The following ACSL3 variants were observed in gnomAD, a reference collection of about 807,000 sequenced individuals.
ACSL3 encodes the protein fatty acid CoA ligase Acsl3.
Under a neutral mutation model 84.7 loss-of-function variants are expected in ACSL3, and 34 were observed. That is an observed-to-expected ratio of 0.40 (90% confidence interval 0.31 to 0.53). The LOEUF (loss-of-function observed/expected upper bound fraction) is 0.53. ACSL3 is among the 20% of genes least tolerant of loss of function. The pLI is 0.48. For missense variants in ACSL3, 680 were observed against 873.1 expected, an observed-to-expected ratio of 0.78 and a Z score of 2.79; for synonymous variants, 315 against 299.4, an observed-to-expected ratio of 1.05 and a Z score of -0.54.
At chr2:222,940,926 G>C (rs1165052377) in intron 16 of ACSL3, among the ~76,000 whole-genome samples, 1 of 151,618 alleles carries the variant, frequency 6.6e-6, no homozygotes, top group South Asian at 2.1e-4. Flanking sequence ...AATGAGATGG[G>C]GTTTCGCTCT....
intron 1 of ACSL3, among the ~76,000 whole-genome samples, chr2:222,882,761 GTTT>G (rs71408540): frequency 3.2e-4 from 38 of 119,962 alleles, no homozygotes; most frequent in Admixed American, 5.5e-4. Flanking sequence ...CCAGATCACT[GTTT>G]TTTTTTTTTT....
At chr2:222,865,254 C>T (rs763658580) in intron 1 of ACSL3, among the ~76,000 whole-genome samples, 2 of 152,040 alleles carry the variant, frequency 1.3e-5, no homozygotes, top group African/African-American at 2.4e-5. Flanking sequence ...TGTTTATTTA[C>T]GTATTTTTGA....
chr2:222,883,984 T>C (rs1357681343), intron 1 of ACSL3, among the ~76,000 whole-genome samples: 1 of 152,214 alleles, frequency 6.6e-6, no homozygotes, highest in Admixed American at 6.5e-5. Flanking sequence ...CTTATGCCTT[T>C]GAGAATATTA....
intron 13 of ACSL3, among the ~76,000 whole-genome samples, chr2:222,929,670 C>T (rs1014824987): frequency 6.6e-6 from 1 of 151,736 alleles, no homozygotes; most frequent in Non-Finnish European, 1.5e-5. Flanking sequence ...TCCAGCTACT[C>T]GGGAGGCTGA....
At chr2:222,864,221 C>T (rs1489323575) in intron 1 of ACSL3, among the ~76,000 whole-genome samples, 1 of 152,158 alleles carries the variant, frequency 6.6e-6, no homozygotes, top group African/African-American at 2.4e-5. Flanking sequence ...ATGGGAAGGG[C>T]ATGACTTTAG....
Position 222,907,013 on chromosome 2 carries a change from C to G in ACSL3, c.-40-1720C>G, listed in dbSNP as rs932968142. On this transcript the variant is annotated intron_variant, in intron 3 of 16. Coordinates refer to ENST00000357430, the MANE Select transcript of ACSL3 (RefSeq NM_004457.5). Reference sequence around the variant, plus strand: ...ATTGCTAAGGGGCTCTGTGTTCTTACAGCCTGCTTCTCCAGCCTGTGCAGA... The same window carrying G: ...ATTGCTAAGGGGCTCTGTGTTCTTAGAGCCTGCTTCTCCAGCCTGTGCAGA... Among the ~76,000 whole-genome samples, 3 of 152,320 alleles carry G rather than the reference C, an allele frequency of 2.0e-5. No homozygotes were observed. In the South Asian group the frequency reaches 6.2e-4, roughly 32 times the overall value.
intron 1 of ACSL3, among the ~76,000 whole-genome samples, chr2:222,870,704 G>A (rs79794211): frequency 0.017 from 2,591 of 152,348 alleles, 39 homozygotes; most frequent in Non-Finnish European, 0.025. Flanking sequence ...GAGAAGACAG[G>A]TAAGGGAGAC....
chr2:222,919,253 C>G, intron 7 of ACSL3, 51 bp downstream of exon 7: 1 of 1,586,786 alleles, frequency 6.3e-7, no homozygotes. Context: ...TGACCACATT[C>G]TCCAGAATTA....
Position 222,930,792 on chromosome 2 carries a change from A to G in ACSL3, c.1712A>G (p.Asp571Gly). Reference protein sequence around the residue: ...CTGDIGEFEPDGCLKIIDRKK... With the variant: ...CTGDIGEFEPGGCLKIIDRKK... ...GGGGATATTGGAGAGTTTGAACCCG[A>G]TGGATGCTTAAAGATTATTGGTAAG... The change falls in exon 14 of 17, where the codon GAT (aspartate) becomes GGT (glycine). Residue 571 changes from aspartate to glycine, a missense_variant. Transcript: ENST00000357430. 1 of 1,602,254 alleles carries G rather than the reference A, an allele frequency of 6.2e-7. No homozygotes were observed. Among genetic ancestry groups the G allele is most frequent in the Non-Finnish European group, 8.5e-7 (1 of 1,175,272 alleles).
chr2:222,865,599 A>G (rs946190407), intron 1 of ACSL3, among the ~76,000 whole-genome samples: 1 of 152,210 alleles, frequency 6.6e-6, no homozygotes, highest in Non-Finnish European at 1.5e-5. Flanking sequence ...ATATTACAGG[A>G]TGGTATAATC....
At chr2:222,923,228 T>C in intron 10 of ACSL3, 79 bp downstream of exon 10, 2 of 1,189,610 alleles carry the variant, frequency 1.7e-6, no homozygotes, top group East Asian at 2.4e-5. Flanking sequence ...GTGAAAAATA[T>C]ATTGTTGACA....
intron 11 of ACSL3, 24 bp downstream of exon 11, chr2:222,924,619 T>C: frequency 1.3e-6 from 2 of 1,564,290 alleles, no homozygotes; most frequent in Non-Finnish European, 1.7e-6. Flanking sequence ...CTCTACCTCC[T>C]TCTTTCTCCT....
At position 222,943,421 on chromosome 2, in the gene ACSL3, T is replaced by C. The variant is rs1164705946; in HGVS notation, c.*1767T>C. 1 of 179,004 alleles carries C rather than the reference T, an allele frequency of 5.6e-6. No individual in the cohort carries two copies. Among genetic ancestry groups the C allele is most frequent in the Non-Finnish European group, 1.2e-5 (1 of 83,546 alleles). 11.1% of individuals were successfully genotyped at this position (179,004 alleles called of 1,614,324 possible). On this transcript the variant is annotated 3_prime_UTR_variant, in exon 17 of 17. Transcript: ENST00000357430. ...CGGAGAGAATTTGTTTCTGATGCCTTGTCTTTAGAATAATTGTTTGCTTTC... is the reference window on the plus strand; with the variant it reads ...CGGAGAGAATTTGTTTCTGATGCCTCGTCTTTAGAATAATTGTTTGCTTTC...
In ACSL3 at chr2:222,930,760, C is replaced by G. The variant is rs541195498; in HGVS notation, c.1680C>G (p.Leu560=). The change falls in exon 14 of 17, where the codon CTC becomes CTG. Residue 560 remains leucine (L), a synonymous_variant. Coordinates refer to ENST00000357430, the MANE Select transcript of ACSL3 (RefSeq NM_004457.5). The part of the protein sequence containing the change: ...FFEDENGQRW[L]CTGDIGEFEP... ...AAGATGAAAATGGACAAAGGTGGCT[C>G]TGTACTGGGGATATTGGAGAGTTTG... 238 of 1,614,104 alleles carry G rather than the reference C, an allele frequency of 1.5e-4. 3 individuals are homozygous for G. In the South Asian group the frequency reaches 2.5e-3, roughly 17 times the overall value.
chr2:222,904,602 A>G (rs1362752307), intron 3 of ACSL3: 1 of 153,110 alleles, frequency 6.5e-6, no homozygotes, highest in Non-Finnish European at 1.5e-5. Flanking sequence ...TCCTCTGTGA[A>G]AATTCATTTT....
chr2:222,893,272 C>T (rs1269591424), intron 2 of ACSL3, among the ~76,000 whole-genome samples: 1 of 152,172 alleles, frequency 6.6e-6, no homozygotes, highest in Admixed American at 6.5e-5. Flanking sequence ...GGCTCTCTGC[C>T]TGCTCTGCAA....
intron 14 of ACSL3, 48 bp downstream of exon 14, chr2:222,930,860 T>C: frequency 3.3e-6 from 5 of 1,507,490 alleles, no homozygotes; most frequent in Non-Finnish European, 4.5e-6. Context: ...TGAAATAGTT[T>C]ACACAAGAAG....
intron 13 of ACSL3, among the ~76,000 whole-genome samples, chr2:222,929,923 C>CTT (rs56685446): frequency 5.2e-5 from 4 of 77,364 alleles, no homozygotes; most frequent in Admixed American, 1.6e-4. Context: ...TAGTAACTCA[C>CTT]TTTTTTTTTT....
intron 12 of ACSL3, 37 bp from the exon 13 acceptor site, chr2:222,928,825 C>T: frequency 6.5e-7 from 1 of 1,533,842 alleles, no homozygotes; most frequent in East Asian, 2.3e-5. Flanking sequence ...GTATTAGCTA[C>T]TGTTCTCAAA....
Sources: allele counts gnomAD v4.1 joint callset (sites outside exome capture counted in the v4.1 genomes callset), GRCh38; gene constraint gnomAD v4.1.1; transcripts MANE v1.5; gene names NCBI Gene and HGNC (gene_info 2026-07-23, HGNC 2026-07-21).